Variants in CSGALNACT1 observed in about 807,000 individuals in gnomAD.
CSGALNACT1 encodes beta4GalNAcT-1.
A neutral mutation model predicts 51.0 loss-of-function variants in CSGALNACT1; 52 were observed. The ratio of observed to expected loss-of-function variants is 1.02; its 90% confidence interval spans 0.82 to 1.29. CSGALNACT1 has a LOEUF of 1.29. Ranked by LOEUF, CSGALNACT1 falls within the 50% of genes most tolerant of loss-of-function variation. The probability of loss-of-function intolerance (pLI) is 0.00; values close to 1 mark genes in which losing one functional copy is unlikely to be tolerated. For missense variants in CSGALNACT1, 935 were observed against 679.2 expected (o/e 1.38, Z -4.19); for synonymous variants, 341 against 254.4 (o/e 1.34, Z -3.24).
intron 1 of CSGALNACT1, among the ~76,000 whole-genome samples, chr8:19,701,153 G>GTTTTTTTTTTTTTTTTTTTT (rs767074945): frequency 1.1e-5 from 1 of 93,280 alleles, no homozygotes; most frequent in African/African-American, 4.1e-5. Flanking sequence ...TCTATTATCC[G>GTTTTTTTTTTTTTTTTTTTT]TTTTTTTTTT....
chr8:19,456,996 C>A (rs902671563), intron 5 of CSGALNACT1, among the ~76,000 whole-genome samples: 3 of 152,186 alleles, frequency 2.0e-5, no homozygotes, highest in Non-Finnish European at 4.4e-5. Context: ...TGGAAGCCGA[C>A]TTCAGGCATA....
At position 19,545,765 on chromosome 8, in the gene CSGALNACT1, G is replaced by GAT. The variant is rs142956831; in HGVS notation, c.-296-39637_-296-39636dup. ...CGTTAATGAGACCTGCTGAGAAAAG[G>GAT]ATATATATATATATTTGTAAACACA... On this transcript the variant is annotated intron_variant, in intron 3 of 9. Coordinates refer to ENST00000454498, the Ensembl canonical transcript of CSGALNACT1. Among the ~76,000 whole-genome samples, 19 of 147,780 alleles carry GAT rather than the reference G, an allele frequency of 1.3e-4. No individual in the cohort carries two copies. In the East Asian group the frequency reaches 1.6e-3, roughly 12 times the overall value.
At chr8:19,462,746 T>A (rs992279770) in intron 4 of CSGALNACT1, among the ~76,000 whole-genome samples, 1 of 152,232 alleles carries the variant, frequency 6.6e-6, no homozygotes. Context: ...GGTTTCTCTA[T>A]ACTCTGCTAA....
rs183654094 is a variant in CSGALNACT1 at position 19,579,224 on chromosome 8, C to G, written c.-297+11936G>C. Among the ~76,000 whole-genome samples, 29 of 152,310 alleles carry G rather than the reference C, an allele frequency of 1.9e-4. No homozygotes were observed. In the East Asian group the frequency reaches 5.6e-3, roughly 29 times the overall value. On this transcript the variant is annotated intron_variant, in intron 3 of 9. Transcript: ENST00000454498. ...AAGGCCCACTTTGATCTGGCCCCAG[C>G]TCCAAATTCAGCTCACGTCACTTTC...
chr8:19,457,640 GA>G (rs2064396092), intron 5 of CSGALNACT1: 2 of 1,272,534 alleles, frequency 1.6e-6, no homozygotes, highest in Admixed American at 4.6e-5. Context: ...AAATCAGCTT[GA>G]TCTTTCAAGA....
At chr8:19,464,881 C>T (rs544724650) in intron 4 of CSGALNACT1, among the ~76,000 whole-genome samples, 1 of 152,172 alleles carries the variant, frequency 6.6e-6, no homozygotes, top group African/African-American at 2.4e-5. Context: ...GAATCCTGTG[C>T]ACTACCGGCG....
rs975998517 is a variant in CSGALNACT1 at position 19,757,578 on chromosome 8, C to T, written c.-297+272G>A. Among the ~76,000 whole-genome samples the T allele has an allele frequency of 3.3e-5, 5 of 152,142 alleles. No homozygotes were observed. The highest frequency in any genetic ancestry group is 4.8e-5 in the African/African-American group (2 of 41,446). On this transcript the variant is annotated intron_variant, in intron 1 of 1. Coordinates refer to the CSGALNACT1 transcript ENST00000517494. The surrounding 1 kb of genome is among the most constrained non-coding windows in gnomAD (Gnocchi z 4.0). ...GGGGCGGTTTACGCGTGACTGGACACCAAGAGCCGGAGAAGTTTAGAGACT... is the reference window on the plus strand; with the variant it reads ...GGGGCGGTTTACGCGTGACTGGACATCAAGAGCCGGAGAAGTTTAGAGACT...
chr8:19,708,430 G>A (rs139343808), intron 1 of CSGALNACT1, among the ~76,000 whole-genome samples: 1 of 152,246 alleles, frequency 6.6e-6, no homozygotes, highest in East Asian at 1.9e-4. Flanking sequence ...AGTCACATGG[G>A]TTCCATTATG....
intron 1 of CSGALNACT1, among the ~76,000 whole-genome samples, chr8:19,649,049 A>G (rs1387214369): frequency 1.3e-5 from 2 of 152,206 alleles, no homozygotes. Flanking sequence ...AGACTCACAT[A>G]TAACATTAAT....
At chr8:19,562,504 A>G (rs944980315) in intron 3 of CSGALNACT1, among the ~76,000 whole-genome samples, 6 of 151,390 alleles carry the variant, frequency 4.0e-5, no homozygotes, top group African/African-American at 1.2e-4. Context: ...AAAAACTACC[A>G]TCAGAGCAAA....
At chr8:19,521,565 C>T (rs998579377) in intron 3 of CSGALNACT1, among the ~76,000 whole-genome samples, 1 of 152,114 alleles carries the variant, frequency 6.6e-6, no homozygotes, top group Non-Finnish European at 1.5e-5. Flanking sequence ...CGCTTGTAAT[C>T]CCAGCTATTC....
At chr8:19,666,992 A>G (rs866360443) in intron 1 of CSGALNACT1, among the ~76,000 whole-genome samples, 441 of 18,186 alleles carry the variant, frequency 0.024, 23 homozygotes, top group Middle Eastern at 0.12. Flanking sequence ...AGAAAGAAAG[A>G]AAGAAAGAAA....
chr8:19,643,133 T>C (rs1030428466), intron 1 of CSGALNACT1, among the ~76,000 whole-genome samples: 5 of 152,092 alleles, frequency 3.3e-5, no homozygotes, highest in Admixed American at 6.6e-5. Flanking sequence ...GTAAGTTATA[T>C]GTTATATAGT....
chr8:19,661,947 C>T (rs988307229), intron 1 of CSGALNACT1, among the ~76,000 whole-genome samples: 21 of 152,036 alleles, frequency 1.4e-4, no homozygotes, highest in African/African-American at 4.3e-4. Context: ...TTTGGTGAAG[C>T]CTATTTCCAT....
chr8:19,618,978 G>C (rs1589068302), intron 1 of CSGALNACT1, among the ~76,000 whole-genome samples: 2 of 152,190 alleles, frequency 1.3e-5, no homozygotes, highest in South Asian at 4.1e-4. Context: ...CCTTCCTCCA[G>C]CATAAATGCA....
chr8:19,622,287 G>A (rs1175034731), intron 1 of CSGALNACT1, among the ~76,000 whole-genome samples: 2 of 152,162 alleles, frequency 1.3e-5, no homozygotes, highest in African/African-American at 2.4e-5. Flanking sequence ...ATGTTTGAAG[G>A]TTGAGATGTA....
Position 19,557,051 on chromosome 8 carries a change from T to C in CSGALNACT1, c.-297+34109A>G, listed in dbSNP as rs531354279. Reference sequence around the variant, plus strand: ...AGAGAAGAAAAGCAAAATTCAATCTTGGGAACATATTCTAAAATGCTTTAT... The same window carrying C: ...AGAGAAGAAAAGCAAAATTCAATCTCGGGAACATATTCTAAAATGCTTTAT... On this transcript the variant is annotated intron_variant, in intron 3 of 9. Coordinates refer to ENST00000454498, the Ensembl canonical transcript of CSGALNACT1. 2.0e-5 allele frequency among the ~76,000 whole-genome samples: 3 copies of C among 152,196 alleles called. No individual in the cohort carries two copies. The East Asian group carries it at 5.8e-4, about 29-fold the overall frequency.
At chr8:19,668,940 C>G (rs990590581) in intron 1 of CSGALNACT1, among the ~76,000 whole-genome samples, 1 of 152,200 alleles carries the variant, frequency 6.6e-6, no homozygotes, top group African/African-American at 2.4e-5. Flanking sequence ...TTTTGAAATA[C>G]TGTAATAATC....
intron 1 of CSGALNACT1, among the ~76,000 whole-genome samples, chr8:19,741,334 G>A (rs1447121992): frequency 1.3e-5 from 2 of 152,060 alleles, no homozygotes; most frequent in African/African-American, 4.8e-5. Flanking sequence ...GCAGGCTGAG[G>A]CGGATGGATC....
Sources: allele counts gnomAD v4.1 joint callset (sites outside exome capture counted in the v4.1 genomes callset), GRCh38; gene constraint gnomAD v4.1.1; non-coding constraint Gnocchi (gnomAD v3.1); transcripts MANE v1.5; gene names NCBI Gene and HGNC (gene_info 2026-07-23, HGNC 2026-07-21).